Variants in HHATL observed in about 807,000 individuals in gnomAD.
The protein encoded by HHATL is protein-cysteine N-palmitoyltransferase HHAT-like protein.
Under a neutral mutation model 59.7 loss-of-function variants are expected in HHATL, and 49 were observed. That is an observed-to-expected ratio of 0.82 (90% CI 0.65 to 1.04). The LOEUF (loss-of-function observed/expected upper bound fraction) is 1.04. Ranked by LOEUF, HHATL falls within the 50% of genes least tolerant of loss-of-function variation. The pLI is 0.00. For missense variants in HHATL, 605 were observed against 650.8 expected (o/e 0.93, Z 0.77); for synonymous variants, 238 against 257.3 (o/e 0.93, Z 0.72).
At position 42,699,019 on chromosome 3, in the gene HHATL, A is replaced by G; in HGVS notation, c.288+13T>C. On this transcript the variant is annotated intron_variant, in intron 4 of 11. Coordinates refer to ENST00000441594, the MANE Select transcript of HHATL (RefSeq NM_020707.4). Reference sequence around the variant, plus strand: ...CTGGCAGGGAGAGGCTGGGTGGCCCAGGTCCAGCTCACCTTTGGGGCAACC... The same window carrying G: ...CTGGCAGGGAGAGGCTGGGTGGCCCGGGTCCAGCTCACCTTTGGGGCAACC... The G allele has an allele frequency of 6.2e-7, 1 of 1,613,254 alleles. No homozygotes were observed. Among genetic ancestry groups the G allele is most frequent in the Non-Finnish European group, 8.5e-7 (1 of 1,179,168 alleles).
intron 5 of HHATL, 63 bp from the exon 6 acceptor site, chr3:42,698,414 TC>T (rs1308857714): frequency 2.0e-6 from 3 of 1,471,170 alleles, no homozygotes; most frequent in Non-Finnish European, 2.8e-6. Flanking sequence ...GAAAACCTAT[TC>T]CCCACTCCCT....
intron 9 of HHATL, among the ~76,000 whole-genome samples, chr3:42,695,531 T>G (rs1697570478): frequency 6.6e-6 from 1 of 152,090 alleles, no homozygotes; most frequent in African/African-American, 2.4e-5. Context: ...GTCAGCTGCT[T>G]CTCCCTTGCT....
In HHATL at chr3:42,697,057, G is replaced by T; in HGVS notation, c.954C>A (p.His318Gln). Reference sequence around the variant, plus strand: ...ACTTGGGAGGCTGGGGTGGGTCCAGGTGGTCGAGGCATGCCACAGTGTTGA... The same window carrying T: ...ACTTGGGAGGCTGGGGTGGGTCCAGTTGGTCGAGGCATGCCACAGTGTTGA... ...GVVNTVACLDHLDPPQPPKCI... is the reference protein window; with the variant it reads ...GVVNTVACLDQLDPPQPPKCI... The change falls in exon 8 of 12, where the codon CAC becomes CAA. Residue 318 changes from histidine to glutamine, a missense_variant. By Grantham distance (24) the His-to-Gln change is conservative. Transcript: ENST00000441594. 6.3e-7 allele frequency: 1 copy of T among 1,592,748 alleles called. No individual in the cohort carries two copies. The highest frequency in any genetic ancestry group is 1.1e-5 in the South Asian group (1 of 87,092).
chr3:42,698,288 T>C lies in HHATL; in HGVS notation c.547A>G (p.Thr183Ala). The C allele has an allele frequency of 6.2e-7, 1 of 1,614,020 alleles. No homozygotes were observed. The highest frequency in any genetic ancestry group is 8.5e-7 in the Non-Finnish European group (1 of 1,179,954). The change falls in exon 6 of 12, where the codon ACA (threonine) becomes GCA (alanine). Residue 183 changes from threonine (T) to alanine (A), a missense_variant. Physicochemically the swap from Thr to Ala is moderately conservative, Grantham distance 58. Coordinates refer to ENST00000441594, the MANE Select transcript of HHATL (RefSeq NM_020707.4). ...GCAAAGCTGGTGCAACGCAGCACTG[T>C]GAAGCTGCTGCCCCCATGAAACAGC... ...EVLFHGGSSF[T>A]VLRCTSFALE...
chr3:42,692,835 G>A lies in HHATL; in HGVS notation c.1431C>T (p.Tyr477=), dbSNP rs766956575. ...GCTCCTTTACCAGCTGGACGCCACA[G>A]TAGGTGACAAACAGGATGGACAGCG... is the stretch of plus-strand genomic sequence containing the variant. ...QTTLSILFVT[Y]CGVQLVKERE... is the part of the protein sequence containing the mutation. The change falls in exon 12 of 12, where the codon TAC becomes TAT. Residue 477 remains tyrosine, a synonymous_variant. Coordinates refer to ENST00000441594, the MANE Select transcript of HHATL (RefSeq NM_020707.4). 11 of 1,614,226 alleles carry A rather than the reference G, an allele frequency of 6.8e-6. No individual in the cohort carries two copies. Among genetic ancestry groups the A allele is most frequent in the South Asian group, 2.2e-5 (2 of 91,084 alleles).
In HHATL at chr3:42,697,684, G is replaced by T. The variant is rs1457999271; in HGVS notation, c.694-5C>A. 1.9e-6 allele frequency: 3 copies of T among 1,612,386 alleles called. No individual in the cohort carries two copies. The highest frequency in any genetic ancestry group is 2.5e-6 in the Non-Finnish European group (3 of 1,178,852). ...CACTGGCTCCACCTGGCTCACCTGG[G>T]GGGATGCGAAGGGTCTGAGGGAAGA... On this transcript the variant is annotated splice_region_variant and splice_polypyrimidine_tract_variant and intron_variant, in intron 6 of 11. Coordinates refer to ENST00000441594, the MANE Select transcript of HHATL (RefSeq NM_020707.4).
intron 7 of HHATL, 91 bp downstream of exon 7, chr3:42,697,417 T>C: frequency 7.0e-7 from 1 of 1,432,088 alleles, no homozygotes; most frequent in Non-Finnish European, 9.6e-7. Flanking sequence ...CCTGCGTGCC[T>C]CAGCTCCCCT....
chr3:42,699,911 G>A, intron 2 of HHATL, 86 bp from the exon 3 acceptor site: 5 of 1,100,864 alleles, frequency 4.5e-6, no homozygotes, highest in Non-Finnish European at 6.7e-6. Flanking sequence ...CCCACCCTGG[G>A]GAGCGAGGGC....
rs147953207 is a variant in HHATL at position 42,693,094 on chromosome 3, C to T, written c.1373G>A (p.Arg458Gln). 58 of 1,614,032 alleles carry T rather than the reference C, an allele frequency of 3.6e-5. No homozygotes were observed. The highest frequency in any genetic ancestry group is 4.3e-5 in the Non-Finnish European group (51 of 1,180,030). ...NSLKFTELVA[R>Q]RLLLTGFPQT... is the part of the protein sequence containing the mutation. ...TCCCTCACCTGTGAGTAGCAGGCGC[C>T]GGGCAACCAGCTCTGTGAATTTGAG... Residue 458 changes from arginine (R) to glutamine (Q), a missense_variant, in exon 11 of 12, where the codon CGG becomes CAG. Coordinates refer to ENST00000441594, the MANE Select transcript of HHATL (RefSeq NM_020707.4).
Position 42,693,062 on chromosome 3 carries a change from A to G in HHATL, c.1390+15T>C. ...TGCCTGGCACCTTCTGTATCCCCAC[A>G]CCCCTGTCCCTCACCTGTGAGTAGC... is the stretch of plus-strand genomic sequence containing the variant. On this transcript the variant is annotated intron_variant, in intron 11 of 11. Transcript: ENST00000441594. 6.2e-6 allele frequency: 10 copies of G among 1,613,452 alleles called. No homozygotes were observed. Among genetic ancestry groups the G allele is most frequent in the Non-Finnish European group, 8.5e-6 (10 of 1,179,796 alleles).
At chr3:42,693,582 C>A (rs1268406784) in intron 10 of HHATL, 35 bp downstream of exon 10, 1 of 1,591,718 alleles carries the variant, frequency 6.3e-7, no homozygotes, top group Admixed American at 1.7e-5. Context: ...CCTCTATGAC[C>A]CAGCCAGTCC....
At position 42,694,498 on chromosome 3, in the gene HHATL, G is replaced by T. The variant is rs188602680; in HGVS notation, c.1047-680C>A. Among the ~76,000 whole-genome samples, 3 of 152,274 alleles carry T rather than the reference G, an allele frequency of 2.0e-5. No homozygotes were observed. The East Asian group carries it at 5.8e-4, about 29-fold the overall frequency. ...GGCATCTTTTAAGAGTGTAGCTCAG[G>T]TCACATCACTTCCATGATTAACCTC... On this transcript the variant is annotated intron_variant, in intron 9 of 11. Transcript: ENST00000441594.
intron 3 of HHATL, among the ~76,000 whole-genome samples, chr3:42,699,376 C>T (rs1204300938): frequency 6.6e-6 from 1 of 152,188 alleles, no homozygotes; most frequent in African/African-American, 2.4e-5. Flanking sequence ...CTCCACACTC[C>T]TCTGTGAAGG....
intron 9 of HHATL, among the ~76,000 whole-genome samples, chr3:42,696,048 T>A (rs1481033631): frequency 1.3e-5 from 2 of 152,102 alleles, no homozygotes; most frequent in Admixed American, 1.3e-4. Context: ...TTTCCCTCCT[T>A]ACCTGCTCCT....
Position 42,701,135 on chromosome 3 carries a change from C to A in HHATL, c.-13-296G>T. ...ACCTTCATTTACATCTTCATACCTT[C>A]CAGAGGCACCGGCCCCACCCTCTGC... is the stretch of plus-strand genomic sequence containing the variant. On this transcript the variant is annotated intron_variant, in intron 1 of 11. Transcript: ENST00000441594. The surrounding 1 kb of genome is among the most constrained non-coding windows in gnomAD (Gnocchi z 5.1). 1 of 368,662 alleles carries A rather than the reference C, an allele frequency of 2.7e-6. No individual in the cohort carries two copies. The highest frequency in any genetic ancestry group is 4.6e-5 in the South Asian group (1 of 21,812). 22.8% of individuals were successfully genotyped at this position (368,662 alleles called of 1,614,324 possible).
rs1697588983 is a variant in HHATL, at chr3:42,695,846, C to T, written c.1046+996G>A. On this transcript the variant is annotated intron_variant, in intron 9 of 11. Transcript: ENST00000441594. ...TAGACACCCTCACCTCCTTCCTCTTCAGGGACCTCACTCCATCAATCACCC... is the reference window on the plus strand; with the variant it reads ...TAGACACCCTCACCTCCTTCCTCTTTAGGGACCTCACTCCATCAATCACCC... 2.0e-5 allele frequency among the ~76,000 whole-genome samples: 3 copies of T among 152,190 alleles called. No homozygotes were observed. In the South Asian group the frequency reaches 6.2e-4, roughly 32 times the overall value.
chr3:42,700,573 A>AC (rs1245742554), intron 2 of HHATL, 148 bp downstream of exon 2: 5 of 599,384 alleles, frequency 8.3e-6, no homozygotes, highest in Middle Eastern at 3.1e-4. Flanking sequence ...TGAGATGGGA[A>AC]CCCCGGGCTG....
intron 9 of HHATL, among the ~76,000 whole-genome samples, chr3:42,694,445 A>C (rs185846014): frequency 6.6e-6 from 1 of 152,170 alleles, no homozygotes; most frequent in Non-Finnish European, 1.5e-5. Context: ...TTTTGCCCCC[A>C]TGGTTCATTC....
Position 42,700,832 on chromosome 3 carries a change from G to A in HHATL, c.-6C>T. ...AATGCTGTCTTGATGCCCATAGCCT[G>A]GACAGGGCTGGGGAGACAGGTTGGG... On this transcript the variant is annotated 5_prime_UTR_variant, in exon 2 of 12. Transcript: ENST00000441594. The A allele has an allele frequency of 6.2e-7, 1 of 1,608,416 alleles. No homozygotes were observed. Among genetic ancestry groups the A allele is most frequent in the East Asian group, 2.2e-5 (1 of 44,842 alleles).
Sources: gnomAD v4.1 joint callset for allele counts (sites outside exome capture counted in the v4.1 genomes callset) on GRCh38, gnomAD v4.1.1 for gene constraint, Gnocchi (gnomAD v3.1) non-coding constraint, MANE v1.5 for transcripts, NCBI Gene and HGNC (gene_info 2026-07-23, HGNC 2026-07-21) for gene names.